The following PLEKHA5 variants were observed in gnomAD, a reference collection of about 807,000 sequenced individuals.
The protein encoded by PLEKHA5 is pleckstrin homology domain containing A5, also known as pleckstrin homology domain-containing family A member 5.
In PLEKHA5, 55 loss-of-function variants were observed where a neutral mutation model predicts 181.9. The ratio of observed to expected loss-of-function variants is 0.30; its 90% CI spans 0.24 to 0.38. The LOEUF (loss-of-function observed/expected upper bound fraction) is 0.38, where lower values mean the gene tolerates loss of function less well. Ranked by LOEUF, PLEKHA5 falls within the 10% of genes least tolerant of loss-of-function variation. The pLI, the probability that PLEKHA5 is intolerant of heterozygous loss-of-function variation, is 1.00. For missense variants in PLEKHA5, 1,432 were observed against 1,549.5 expected (o/e 0.92, Z 1.27); for synonymous variants, 535 against 529.4 (o/e 1.01, Z -0.15).
intron 7 of PLEKHA5, among the ~76,000 whole-genome samples, chr12:19,263,709 T>G (rs1214052510): frequency 6.6e-6 from 1 of 152,178 alleles, no homozygotes; most frequent in South Asian, 2.1e-4. Flanking sequence ...TTGTCCCAGC[T>G]CATCTTCCCT....
intron 6 of PLEKHA5, among the ~76,000 whole-genome samples, chr12:19,257,894 C>T (rs2067278785): frequency 6.6e-6 from 1 of 151,920 alleles, no homozygotes; most frequent in Admixed American, 6.6e-5. Context: ...CAAGGGTACT[C>T]ATTTTTCTAT....
At chr12:19,133,282 C>G (rs1276133564) in intron 3 of PLEKHA5, among the ~76,000 whole-genome samples, 1 of 151,870 alleles carries the variant, frequency 6.6e-6, no homozygotes, top group African/African-American at 2.4e-5. Context: ...TACTTGGAGA[C>G]AAATACAAAG....
At chr12:19,295,833 C>G (rs11615020) in intron 15 of PLEKHA5, among the ~76,000 whole-genome samples, 2,526 of 152,252 alleles carry the variant, frequency 0.017, 29 homozygotes, top group Non-Finnish European at 0.028. Context: ...GGTTAGATTC[C>G]CAAGCCAGGC....
At chr12:19,249,205 CA>C (rs758078185) in intron 3 of PLEKHA5, among the ~76,000 whole-genome samples, 23 of 152,054 alleles carry the variant, frequency 1.5e-4, no homozygotes, top group Non-Finnish European at 2.9e-4. Flanking sequence ...AGATTAACTA[CA>C]ATAACTAATA....
At chr12:19,293,909 T>C (rs2079102645) in intron 15 of PLEKHA5, among the ~76,000 whole-genome samples, 1 of 152,214 alleles carries the variant, frequency 6.6e-6, no homozygotes, top group South Asian at 2.1e-4. Flanking sequence ...TTTCTACTGC[T>C]CCATGCTTGT....
chr12:19,214,022 G>T (rs2057468418), intron 3 of PLEKHA5, among the ~76,000 whole-genome samples: 1 of 152,152 alleles, frequency 6.6e-6, no homozygotes, highest in African/African-American at 2.4e-5. Flanking sequence ...TAAAGGTTTA[G>T]TTAAAACATC....
intron 3 of PLEKHA5, among the ~76,000 whole-genome samples, chr12:19,229,056 C>G (rs1319400787): frequency 6.6e-6 from 1 of 152,146 alleles, no homozygotes; most frequent in Non-Finnish European, 1.5e-5. Context: ...AATCTGCCCT[C>G]CAGTATCAGA....
intron 3 of PLEKHA5, among the ~76,000 whole-genome samples, chr12:19,234,888 A>G (rs1328430978): frequency 6.6e-6 from 1 of 152,156 alleles, no homozygotes; most frequent in East Asian, 1.9e-4. Flanking sequence ...TACAGTATTT[A>G]TAGGTTATGG....
intron 7 of PLEKHA5, among the ~76,000 whole-genome samples, chr12:19,263,901 A>G (rs2069399486): frequency 6.6e-6 from 1 of 152,186 alleles, no homozygotes; most frequent in Non-Finnish European, 1.5e-5. Context: ...TTCTACAAAC[A>G]TTACTGAGTA....
intron 22 of PLEKHA5, among the ~76,000 whole-genome samples, chr12:19,345,305 CAGA>C (rs1261553524): frequency 1.1e-4 from 16 of 151,196 alleles, no homozygotes; most frequent in African/African-American, 3.9e-4. Context: ...GAGGCTGAGG[CAGA>C]AGAATTGCTT....
At chr12:19,336,475 C>T (rs773080036) in intron 20 of PLEKHA5, 40 bp from the exon 21 acceptor site, 2 of 1,038,292 alleles carry the variant, frequency 1.9e-6, no homozygotes, top group Admixed American at 1.9e-5. Flanking sequence ...CATAAAAGCA[C>T]ATTTTCCCCA....
chr12:19,132,773 C>T (rs1273943166), intron 3 of PLEKHA5, among the ~76,000 whole-genome samples: 17 of 112,114 alleles, frequency 1.5e-4, no homozygotes, highest in South Asian at 6.0e-4. Flanking sequence ...CCACAATTAC[C>T]TTTTTTTTTT....
intron 3 of PLEKHA5, chr12:19,151,675 T>G (rs886603550): frequency 6.6e-6 from 1 of 152,130 alleles, no homozygotes; most frequent in African/African-American, 2.4e-5. Context: ...GAAATGACAT[T>G]TTCCAAATGT....
chr12:19,259,206 C>T (rs746846555), intron 6 of PLEKHA5, among the ~76,000 whole-genome samples: 2 of 150,864 alleles, frequency 1.3e-5, no homozygotes, highest in Non-Finnish European at 1.5e-5. Context: ...TAAAAAAAAA[C>T]AAAAAACAAA....
At chr12:19,179,079 T>C (rs566614690) in intron 3 of PLEKHA5, among the ~76,000 whole-genome samples, 1 of 152,240 alleles carries the variant, frequency 6.6e-6, no homozygotes. Flanking sequence ...ATGATTACAT[T>C]ATGTTTTTAT....
chr12:19,325,714 T>C (rs911079582), intron 20 of PLEKHA5, among the ~76,000 whole-genome samples: 3 of 127,562 alleles, frequency 2.4e-5, no homozygotes, highest in Non-Finnish European at 5.1e-5. Flanking sequence ...TAATAATAAA[T>C]AGAAAATAGG....
chr12:19,235,228 A>G (rs1438635030), intron 3 of PLEKHA5, among the ~76,000 whole-genome samples: 3 of 152,112 alleles, frequency 2.0e-5, no homozygotes, highest in African/African-American at 4.8e-5. Context: ...TTGAGATGCT[A>G]TTTTTAATTT....
chr12:19,347,014 T>C lies in PLEKHA5; in HGVS notation c.2730T>C (p.Pro910=). The C allele has an allele frequency of 6.5e-7, 1 of 1,549,730 alleles. No individual in the cohort carries two copies. ...TTTAGGAAGAGGAAGTAGTCCCACC[T>C]CGTCCTCCACTTCCTCGGTCCTATG... ...YKNEEEEVVP[P]RPPLPRSYDF... is the part of the protein sequence containing the mutation. The change falls in exon 24 of 32, where the codon CCT becomes CCC. Residue 910 remains proline, a synonymous_variant. Transcript: ENST00000429027.
chr12:19,178,164 T>C (rs1379774836), intron 3 of PLEKHA5, among the ~76,000 whole-genome samples: 1 of 152,198 alleles, frequency 6.6e-6, no homozygotes, highest in Non-Finnish European at 1.5e-5. Context: ...TGCCCAAGTA[T>C]TGTCATTTCC....
Sources: allele counts gnomAD v4.1 joint callset (sites outside exome capture counted in the v4.1 genomes callset), GRCh38; gene constraint gnomAD v4.1.1; transcripts MANE v1.5; gene names NCBI Gene and HGNC (gene_info 2026-07-23, HGNC 2026-07-21).